STAG1: variants seen among roughly 807,000 people sequenced by gnomAD.
The protein encoded by STAG1 is STAG1 cohesin complex component, also known as cohesin subunit SA-1.
STAG1 carries 26 observed loss-of-function variants against 170.9 expected under a neutral mutation model. That is an observed-to-expected ratio of 0.15 (90% CI 0.11 to 0.21). The LOEUF is 0.21. Ranked by LOEUF, STAG1 falls within the 10% of genes least tolerant of loss-of-function variation. The probability of loss-of-function intolerance (pLI) is 1.00; values close to 1 mark genes in which losing one functional copy is unlikely to be tolerated. For missense variants in STAG1, 964 were observed against 1,509.5 expected (o/e 0.64, Z 5.99); for synonymous variants, 514 against 497.7 (o/e 1.03, Z -0.44).
chr3:136,575,578 A>T (rs1339439174), intron 4 of STAG1, among the ~76,000 whole-genome samples: 2 of 150,860 alleles, frequency 1.3e-5, no homozygotes, highest in African/African-American at 4.8e-5. Context: ...TCCAACAGAA[A>T]ATTAACAGAA....
At chr3:136,358,480 C>G (rs1455807788) in intron 27 of STAG1, among the ~76,000 whole-genome samples, 1 of 152,094 alleles carries the variant, frequency 6.6e-6, no homozygotes, top group Non-Finnish European at 1.5e-5. Flanking sequence ...GGTAATGGTA[C>G]CAAGCTGTGT....
intron 1 of STAG1, among the ~76,000 whole-genome samples, chr3:136,686,506 A>G (rs1218703306): frequency 6.6e-6 from 1 of 152,208 alleles, no homozygotes; most frequent in Non-Finnish European, 1.5e-5. Context: ...CACAGGCATT[A>G]GCAATCGCCT....
chr3:136,345,801 T>C (rs1466923297), intron 29 of STAG1, among the ~76,000 whole-genome samples: 2 of 152,084 alleles, frequency 1.3e-5, no homozygotes, highest in African/African-American at 4.8e-5. Flanking sequence ...GTTTCTGATA[T>C]TTTTTTAGAC....
At position 136,528,499 on chromosome 3, in the gene STAG1, C is replaced by CA. The variant is rs1409472727; in HGVS notation, c.472-7083_472-7082insT. Among the ~76,000 whole-genome samples, 1,208 of 139,330 alleles carry CA rather than the reference C, an allele frequency of 8.7e-3. 22 individuals are homozygous for CA. The highest frequency in any genetic ancestry group is 0.014 in the Non-Finnish European group (923 of 66,082). 91.4% of individuals were successfully genotyped at this position (139,330 alleles called of 152,430 possible). Reference sequence around the variant, plus strand: ...CCAGCAACAGATGTCCCCGCACCCCCCCCCCCAAAAAATCACTAAGTCCTG... The same window carrying CA: ...CCAGCAACAGATGTCCCCGCACCCCCACCCCCCAAAAAATCACTAAGTCCTG... On this transcript the variant is annotated intron_variant, in intron 6 of 33. Coordinates refer to ENST00000383202, the MANE Select transcript of STAG1 (RefSeq NM_005862.3).
intron 15 of STAG1, among the ~76,000 whole-genome samples, chr3:136,439,990 T>C (rs989043529): frequency 6.6e-6 from 1 of 152,204 alleles, no homozygotes; most frequent in Non-Finnish European, 1.5e-5. Context: ...CCTAATAGTA[T>C]ATATTTTAAC....
intron 9 of STAG1, among the ~76,000 whole-genome samples, chr3:136,491,991 A>AAAAAC (rs1307063743): frequency 2.6e-5 from 4 of 152,190 alleles, no homozygotes; most frequent in African/African-American, 4.8e-5. Context: ...AGATTGTCTC[A>AAAAAC]AAAACAAAAC....
intron 21 of STAG1, 56 bp from the exon 22 acceptor site, chr3:136,398,885 C>T: frequency 9.5e-7 from 1 of 1,047,572 alleles, no homozygotes; most frequent in South Asian, 1.8e-5. Context: ...ATGAGATCAT[C>T]TGTTTGCACC....
At chr3:136,722,225 GA>G (rs373075057) in intron 1 of STAG1, among the ~76,000 whole-genome samples, 1 of 149,428 alleles carries the variant, frequency 6.7e-6, no homozygotes, top group Admixed American at 6.7e-5. Context: ...CAAAAAAAAG[GA>G]AAAAAAAATG....
At chr3:136,447,577 T>A (rs1201486302) in intron 14 of STAG1, among the ~76,000 whole-genome samples, 1 of 147,902 alleles carries the variant, frequency 6.8e-6, no homozygotes, top group African/African-American at 2.5e-5. Flanking sequence ...AGCATCCTTA[T>A]CCCTCTGAAA....
At chr3:136,686,791 T>TAGTA (rs1220992246) in intron 1 of STAG1, among the ~76,000 whole-genome samples, 1 of 152,230 alleles carries the variant, frequency 6.6e-6, no homozygotes, top group African/African-American at 2.4e-5. Context: ...TATCCATGTG[T>TAGTA]AGTAAGTAGA....
intron 1 of STAG1, among the ~76,000 whole-genome samples, chr3:136,722,256 T>C (rs919845378): frequency 4.6e-5 from 7 of 152,124 alleles, no homozygotes; most frequent in Non-Finnish European, 7.4e-5. Context: ...AATTACCTCA[T>C]AGTAGCCTCA....
intron 7 of STAG1, among the ~76,000 whole-genome samples, chr3:136,505,782 C>G (rs544856339): frequency 6.6e-6 from 1 of 152,096 alleles, no homozygotes; most frequent in African/African-American, 2.4e-5. Context: ...TAAGGGGGTG[C>G]TATTTTAGAT....
intron 7 of STAG1, among the ~76,000 whole-genome samples, chr3:136,513,510 A>G (rs1237398671): frequency 1.3e-5 from 2 of 152,158 alleles, no homozygotes; most frequent in Non-Finnish European, 2.9e-5. Flanking sequence ...AAATTTCAGG[A>G]TATCATCATG....
chr3:136,648,764 C>T (rs180875982), intron 1 of STAG1, among the ~76,000 whole-genome samples: 1 of 152,200 alleles, frequency 6.6e-6, no homozygotes, highest in Admixed American at 6.5e-5. Flanking sequence ...CCATCCCTTC[C>T]TCTTTCTCTC....
At chr3:136,599,469 T>C (rs1300987756) in intron 4 of STAG1, among the ~76,000 whole-genome samples, 2 of 152,154 alleles carry the variant, frequency 1.3e-5, no homozygotes, top group African/African-American at 4.8e-5. Context: ...AGACGGAGCC[T>C]GCAGTGAGCC....
At chr3:136,741,679 G>A (rs867771113) in intron 1 of STAG1, among the ~76,000 whole-genome samples, 2 of 152,122 alleles carry the variant, frequency 1.3e-5, no homozygotes, top group Non-Finnish European at 2.9e-5. Flanking sequence ...CGTTGGTCAC[G>A]CTGGTCTTGA....
chr3:136,527,417 T>C (rs1314661311), intron 6 of STAG1, among the ~76,000 whole-genome samples: 1 of 152,226 alleles, frequency 6.6e-6, no homozygotes, highest in Non-Finnish European at 1.5e-5. Flanking sequence ...TGTCACGTAG[T>C]TCTAGTGCCA....
At chr3:136,742,881 GTATTTATTAGAAAACAA>G (rs1242917481) in intron 1 of STAG1, among the ~76,000 whole-genome samples, 1 of 152,042 alleles carries the variant, frequency 6.6e-6, no homozygotes, top group African/African-American at 2.4e-5. Flanking sequence ...AGCTTTAAAT[GTATTTATTAGAAAACAA>G]AAAGTGCCTA....
At chr3:136,574,403 TAAC>T (rs1937379261) in intron 4 of STAG1, among the ~76,000 whole-genome samples, 1 of 152,158 alleles carries the variant, frequency 6.6e-6, no homozygotes, top group South Asian at 2.1e-4. Context: ...GATGTAACTA[TAAC>T]AATAACAGGT....
Sources: gnomAD v4.1 joint callset for allele counts (sites outside exome capture counted in the v4.1 genomes callset) on GRCh38, gnomAD v4.1.1 for gene constraint, MANE v1.5 for transcripts, NCBI Gene and HGNC (gene_info 2026-07-23, HGNC 2026-07-21) for gene names.